The following MORC1 variants were observed in gnomAD, a reference collection of about 807,000 sequenced individuals.
The protein encoded by MORC1 is MORC family CW-type zinc finger 1, also known as MORC family CW-type zinc finger protein 1.
Under a neutral mutation model 134.9 loss-of-function variants are expected in MORC1, and 59 were observed. That is an observed-to-expected ratio of 0.44 (90% confidence interval 0.35 to 0.54). The LOEUF is 0.54. Among genes scored for constraint, MORC1 ranks in the 20% least tolerant of loss-of-function variants. The probability of loss-of-function intolerance (pLI) is 0.00; values close to 1 mark genes in which losing one functional copy is unlikely to be tolerated. For missense variants in MORC1, 947 were observed against 1,134.5 expected, an observed-to-expected ratio of 0.83 and a Z score of 2.37; for synonymous variants, 395 against 391.7, an observed-to-expected ratio of 1.01 and a Z score of -0.10.
chr3:108,983,209 G>A (rs1947797044), intron 23 of MORC1, among the ~76,000 whole-genome samples: 1 of 148,646 alleles, frequency 6.7e-6, no homozygotes, highest in African/African-American at 2.5e-5. Flanking sequence ...AACAGCACTG[G>A]GGAAAAAAAG....
At chr3:109,105,698 A>T (rs1445808650) in intron 3 of MORC1, among the ~76,000 whole-genome samples, 1 of 150,554 alleles carries the variant, frequency 6.6e-6, no homozygotes, top group Non-Finnish European at 1.5e-5. Context: ...AAAAAAAGTC[A>T]CCTAGAATTA....
At chr3:109,039,384 C>T (rs1451970080) in intron 14 of MORC1, among the ~76,000 whole-genome samples, 1 of 152,150 alleles carries the variant, frequency 6.6e-6, no homozygotes, top group African/African-American at 2.4e-5. Flanking sequence ...ACTGCAGTAA[C>T]CTGCCTTGCA....
At chr3:108,970,881 C>A (rs1225696008) in intron 25 of MORC1, among the ~76,000 whole-genome samples, 1 of 152,216 alleles carries the variant, frequency 6.6e-6, no homozygotes, top group African/African-American at 2.4e-5. Context: ...ACATCTGGTA[C>A]TGTTCCTGAG....
intron 17 of MORC1, among the ~76,000 whole-genome samples, chr3:109,020,963 T>A (rs1487375576): frequency 6.6e-6 from 1 of 152,080 alleles, no homozygotes; most frequent in Non-Finnish European, 1.5e-5. Context: ...ATTCAAAATG[T>A]AAAGTTAGGT....
At chr3:109,074,925 G>T (rs997778992) in intron 8 of MORC1, among the ~76,000 whole-genome samples, 3 of 152,206 alleles carry the variant, frequency 2.0e-5, no homozygotes, top group African/African-American at 7.2e-5. Context: ...TTTTATAGAT[G>T]GGAACAGAGA....
At chr3:109,082,610 T>C (rs888798160) in intron 8 of MORC1, among the ~76,000 whole-genome samples, 1 of 151,942 alleles carries the variant, frequency 6.6e-6, no homozygotes, top group Non-Finnish European at 1.5e-5. Flanking sequence ...CAAACAAATC[T>C]TGGAACTGAG....
At chr3:109,004,281 G>T (rs9816154) in intron 20 of MORC1, among the ~76,000 whole-genome samples, 63,483 of 151,942 alleles carry the variant, frequency 0.42, 13,901 homozygotes, top group Middle Eastern at 0.55. Context: ...GAACAATATC[G>T]ACTCTTTAAG....
chr3:109,094,817 A>C, intron 7 of MORC1, 92 bp downstream of exon 7: 1 of 1,238,166 alleles, frequency 8.1e-7, no homozygotes, highest in Non-Finnish European at 1.1e-6. Context: ...AGATTATAAG[A>C]ACAAAAAAAA....
intron 18 of MORC1, 109 bp from the exon 19 acceptor site, chr3:109,005,424 A>G: frequency 9.6e-7 from 1 of 1,045,090 alleles, no homozygotes; most frequent in Non-Finnish European, 1.3e-6. Context: ...TTACTACTAA[A>G]AAGTTTTTAA....
At chr3:109,081,458 T>A (rs1950517856) in intron 8 of MORC1, among the ~76,000 whole-genome samples, 1 of 148,100 alleles carries the variant, frequency 6.8e-6, no homozygotes, top group South Asian at 2.1e-4. Context: ...TTAAACTTTT[T>A]TTTTTTTTTT....
intron 14 of MORC1, among the ~76,000 whole-genome samples, chr3:109,050,911 T>A (rs1008345471): frequency 2.0e-5 from 3 of 152,210 alleles, no homozygotes; most frequent in African/African-American, 7.2e-5. Context: ...ATTTGAATTC[T>A]TCTGGGAAAC....
intron 8 of MORC1, among the ~76,000 whole-genome samples, chr3:109,071,092 T>C (rs1333546454): frequency 6.6e-6 from 1 of 152,188 alleles, no homozygotes; most frequent in Non-Finnish European, 1.5e-5. Context: ...CAATTAAGTA[T>C]GTCCTCACCT....
At chr3:109,101,354 C>T (rs908357529) in intron 4 of MORC1, 4 of 152,216 alleles carry the variant, frequency 2.6e-5, no homozygotes, top group East Asian at 3.8e-4. Flanking sequence ...CCATTTCAGA[C>T]GTTCCAAATC....
intron 2 of MORC1, 106 bp downstream of exon 2, chr3:109,114,278 T>G: frequency 9.9e-7 from 1 of 1,011,626 alleles, no homozygotes. Context: ...TCACAAAACA[T>G]TCCAGATGGG....
At chr3:108,979,384 G>A in intron 24 of MORC1, 131 bp downstream of exon 24, 1 of 987,292 alleles carries the variant, frequency 1.0e-6, no homozygotes, top group Non-Finnish European at 1.5e-6. Context: ...GCATAGTTAG[G>A]AGACAAGTCA....
chr3:109,096,677 C>T (rs1950836921), intron 6 of MORC1, among the ~76,000 whole-genome samples: 2 of 152,076 alleles, frequency 1.3e-5, no homozygotes, highest in Non-Finnish European at 2.9e-5. Context: ...GTTGAGCAGC[C>T]CAGGCCACTG....
intron 7 of MORC1, among the ~76,000 whole-genome samples, 162 bp from the exon 8 acceptor site, chr3:109,093,703 T>C (rs1039966069): frequency 1.3e-5 from 2 of 152,378 alleles, no homozygotes; most frequent in Middle Eastern, 3.4e-3. Context: ...CCAAGATATG[T>C]CTTCTAGCAA....
chr3:108,968,301 C>T (rs1394544821), intron 26 of MORC1, among the ~76,000 whole-genome samples: 2 of 152,146 alleles, frequency 1.3e-5, no homozygotes, highest in Non-Finnish European at 2.9e-5. Context: ...ATAATTACAC[C>T]TCCCCTTTTA....
At chr3:109,014,362 T>C (rs536843855) in intron 17 of MORC1, among the ~76,000 whole-genome samples, 18 of 152,348 alleles carry the variant, frequency 1.2e-4, no homozygotes, top group Admixed American at 3.3e-4. Flanking sequence ...CTCAACAAAA[T>C]GTTGATGATT....
Sources: gnomAD v4.1 joint callset for allele counts (sites outside exome capture counted in the v4.1 genomes callset) on GRCh38, gnomAD v4.1.1 for gene constraint, MANE v1.5 for transcripts, NCBI Gene and HGNC (gene_info 2026-07-23, HGNC 2026-07-21) for gene names.